The following FHIP1A variants were observed in gnomAD, a reference collection of about 807,000 sequenced individuals.
FHIP1A encodes the protein FHF complex subunit HOOK interacting protein 1A, also known as FHF complex subunit HOOK-interacting protein 1A.
In FHIP1A, 61 loss-of-function variants were observed where a neutral mutation model predicts 88.6. The ratio of observed to expected loss-of-function variants is 0.69; its 90% CI spans 0.56 to 0.85. FHIP1A has a LOEUF of 0.85. FHIP1A is among the 40% of genes least tolerant of loss of function. The probability of loss-of-function intolerance (pLI) is 0.00; values close to 1 mark genes in which losing one functional copy is unlikely to be tolerated. For missense variants in FHIP1A, 1,154 were observed against 1,273.5 expected (o/e 0.91, Z 1.43); for synonymous variants, 478 against 496.0 (o/e 0.96, Z 0.48).
intron 3 of FHIP1A, among the ~76,000 whole-genome samples, chr4:151,557,447 G>A (rs1578749820): frequency 6.6e-6 from 1 of 152,294 alleles, no homozygotes; most frequent in Non-Finnish European, 1.5e-5. Context: ...CTGTGCAAAA[G>A]ACATTGATAC....
At chr4:151,410,847 G>A (rs939302511) in intron 1 of FHIP1A, among the ~76,000 whole-genome samples, 1 of 152,160 alleles carries the variant, frequency 6.6e-6, no homozygotes, top group African/African-American at 2.4e-5. Context: ...ATCCCTTTCC[G>A]CAGAGCTCAT....
At chr4:151,455,648 G>C (rs1728941731) in intron 2 of FHIP1A, among the ~76,000 whole-genome samples, 1 of 152,156 alleles carries the variant, frequency 6.6e-6, no homozygotes, top group Admixed American at 6.6e-5. Flanking sequence ...AGTGCTGTGG[G>C]TATTTTCTGA....
intron 3 of FHIP1A, among the ~76,000 whole-genome samples, chr4:151,526,363 C>G (rs1415248298): frequency 6.6e-6 from 1 of 151,502 alleles, no homozygotes; most frequent in African/African-American, 2.4e-5. Context: ...ACCTCCCAGA[C>G]GAGGCGGCTG....
At chr4:151,645,283 A>C (rs1030856246) in intron 9 of FHIP1A, among the ~76,000 whole-genome samples, 2 of 152,176 alleles carry the variant, frequency 1.3e-5, no homozygotes, top group Non-Finnish European at 2.9e-5. Context: ...CTGAAGGTTA[A>C]GTGGCAAGTT....
intron 4 of FHIP1A, among the ~76,000 whole-genome samples, chr4:151,572,423 TA>T (rs568883445): frequency 1.5e-4 from 23 of 152,266 alleles, no homozygotes; most frequent in African/African-American, 5.3e-4. Context: ...GAGCTGACAT[TA>T]AAAAACTGGT....
intron 7 of FHIP1A, among the ~76,000 whole-genome samples, chr4:151,629,161 C>T (rs1483938507): frequency 6.6e-6 from 1 of 152,200 alleles, no homozygotes; most frequent in Non-Finnish European, 1.5e-5. Flanking sequence ...TCCAGAAACA[C>T]ATCGGAACAT....
At chr4:151,576,640 T>C (rs898105051) in intron 4 of FHIP1A, 1 of 152,344 alleles carries the variant, frequency 6.6e-6, no homozygotes, top group East Asian at 1.9e-4. Context: ...CATAATTGGT[T>C]GTCTCAGAAT....
intron 3 of FHIP1A, among the ~76,000 whole-genome samples, chr4:151,524,154 T>C (rs1028400053): frequency 2.0e-5 from 3 of 152,050 alleles, no homozygotes; most frequent in African/African-American, 7.2e-5. Flanking sequence ...TACAAAAAAT[T>C]AGCTGGGCGT....
intron 7 of FHIP1A, among the ~76,000 whole-genome samples, chr4:151,617,091 A>C (rs1339171951): frequency 1.3e-5 from 2 of 152,098 alleles, no homozygotes; most frequent in African/African-American, 2.4e-5. Flanking sequence ...CCAGGAGAAG[A>C]GAGGAAGGGA....
intron 7 of FHIP1A, among the ~76,000 whole-genome samples, chr4:151,602,174 A>G (rs547673854): frequency 6.6e-6 from 1 of 152,284 alleles, no homozygotes; most frequent in East Asian, 1.9e-4. Context: ...ATAGCTGTAC[A>G]ATGAGGATAG....
At chr4:151,566,046 G>T in intron 3 of FHIP1A, 92 bp from the exon 4 acceptor site, 1 of 370,770 alleles carries the variant, frequency 2.7e-6, no homozygotes. Context: ...TGGACTTTGA[G>T]AATGTCTAAG....
At chr4:151,644,792 CT>C (rs1736727386) in intron 9 of FHIP1A, among the ~76,000 whole-genome samples, 1 of 152,194 alleles carries the variant, frequency 6.6e-6, no homozygotes, top group African/African-American at 2.4e-5. Flanking sequence ...CCTGCTGCCC[CT>C]GTTCCTGCTG....
intron 3 of FHIP1A, among the ~76,000 whole-genome samples, chr4:151,539,506 G>A (rs1035874182): frequency 4.1e-5 from 6 of 147,968 alleles, no homozygotes; most frequent in Non-Finnish European, 8.9e-5. Flanking sequence ...GGAGGTTGCA[G>A]TGAGCTGAGA....
rs768003391 is a variant in FHIP1A at position 151,650,530 on chromosome 4, G to A, written c.2489G>A (p.Gly830Glu). Residue 830 changes from glycine (G) to glutamate (E), a missense_variant, in exon 11 of 14, where the codon GGG (glycine) becomes GAG (glutamate). By Grantham distance (98) the Gly-to-Glu change is moderately conservative. Coordinates refer to ENST00000435205, the MANE Select transcript of FHIP1A (RefSeq NM_001109977.3). ...GAGACTGTGCCTTCCCCATTTGTGG[G>A]GAGAGATGAGGCTGCCTTTGCCAGT... Reference protein sequence around the residue: ...AVETVPSPFVGRDEAAFASRH... With the variant: ...AVETVPSPFVERDEAAFASRH... The A allele has an allele frequency of 2.9e-5, 45 of 1,551,344 alleles. No homozygotes were observed. The highest frequency in any genetic ancestry group is 2.7e-4 in the South Asian group (23 of 84,036).
At chr4:151,489,952 A>G (rs1049194708) in intron 3 of FHIP1A, among the ~76,000 whole-genome samples, 2 of 152,218 alleles carry the variant, frequency 1.3e-5, no homozygotes. Flanking sequence ...CTGAGAAACC[A>G]GAGCACTTAT....
intron 3 of FHIP1A, among the ~76,000 whole-genome samples, chr4:151,489,441 C>T (rs1416672336): frequency 6.6e-6 from 1 of 152,072 alleles, no homozygotes; most frequent in Non-Finnish European, 1.5e-5. Flanking sequence ...ACGAATTTTC[C>T]TGAGTAGAAT....
At chr4:151,533,442 A>T (rs930153159) in intron 3 of FHIP1A, among the ~76,000 whole-genome samples, 10 of 151,532 alleles carry the variant, frequency 6.6e-5, no homozygotes, top group African/African-American at 2.4e-4. Flanking sequence ...AAACAAACAA[A>T]AAAAGGATAT....
chr4:151,437,491 A>C (rs1456103482), intron 1 of FHIP1A, among the ~76,000 whole-genome samples: 3 of 152,302 alleles, frequency 2.0e-5, no homozygotes, highest in Non-Finnish European at 2.9e-5. Flanking sequence ...TTTCATAGAA[A>C]AAAGATAAAG....
At chr4:151,603,328 G>C (rs1025328939) in intron 7 of FHIP1A, among the ~76,000 whole-genome samples, 3 of 151,534 alleles carry the variant, frequency 2.0e-5, no homozygotes, top group Non-Finnish European at 4.4e-5. Context: ...AAAAAAAAGA[G>C]AGATTGTAAA....
Sources: gnomAD v4.1 joint callset for allele counts (sites outside exome capture counted in the v4.1 genomes callset) on GRCh38, gnomAD v4.1.1 for gene constraint, MANE v1.5 for transcripts, NCBI Gene and HGNC (gene_info 2026-07-23, HGNC 2026-07-21) for gene names.